The following TRMT13 variants were observed in gnomAD, a reference collection of about 807,000 sequenced individuals.
TRMT13 encodes the protein tRNA methyltransferase 13, also known as tRNA:m(4)X modification enzyme TRM13 homolog.
TRMT13 carries 45 observed loss-of-function variants against 55.9 expected under a neutral mutation model. That is an observed-to-expected ratio of 0.80 (90% CI 0.63 to 1.03). The LOEUF (loss-of-function observed/expected upper bound fraction) is 1.03, where lower values mean the gene tolerates loss of function less well. TRMT13 is among the 50% of genes least tolerant of loss of function. The probability of loss-of-function intolerance (pLI) is 0.00; values close to 1 mark genes in which losing one functional copy is unlikely to be tolerated. For synonymous variants in TRMT13, 183 were observed against 196.3 expected, an observed-to-expected ratio of 0.93 and a Z score of 0.57; for missense variants, 513 against 563.9, an observed-to-expected ratio of 0.91 and a Z score of 0.91.
intron 9 of TRMT13, among the ~76,000 whole-genome samples, chr1:100,146,540 C>T (rs942950947): frequency 6.6e-6 from 1 of 152,016 alleles, no homozygotes; most frequent in Admixed American, 6.5e-5. Context: ...GAGTCTCGCT[C>T]TGTCGCCCAG....
At chr1:100,135,137 A>T (rs189132029) in intron 1 of TRMT13, among the ~76,000 whole-genome samples, 3 of 152,300 alleles carry the variant, frequency 2.0e-5, no homozygotes, top group Admixed American at 2.0e-4. Flanking sequence ...TACAAATCAC[A>T]GGACAGCCCC....
In TRMT13 at chr1:100,148,025, G is replaced by GA. The variant is rs1657504287; in HGVS notation, c.956dup (p.Asn319LysfsTer23). 6.2e-7 allele frequency: 1 copy of GA among 1,614,016 alleles called. No homozygotes were observed. The highest frequency in any genetic ancestry group is 1.3e-5 in the African/African-American group (1 of 75,008). On this transcript the variant is annotated frameshift_variant, in exon 10 of 11. Coordinates refer to ENST00000370141, the MANE Select transcript of TRMT13 (RefSeq NM_019083.3). LOFTEE classifies it high-confidence loss of function. ...TTACACTTTGGCCAAGGAAGGAAAT[G>GA]AAAAAAATGTCCCAGAGAAGTGGAA...
chr1:100,141,170 TAACTC>T (rs1325328665), intron 7 of TRMT13, 151 bp downstream of exon 7: 9 of 656,780 alleles, frequency 1.4e-5, no homozygotes, highest in South Asian at 3.1e-5. Flanking sequence ...ATTGTATTGA[TAACTC>T]AAACTGAAGG....
At chr1:100,139,774 A>C in intron 4 of TRMT13, 63 bp downstream of exon 4, 1 of 1,023,484 alleles carries the variant, frequency 9.8e-7, no homozygotes, top group South Asian at 1.5e-5. Context: ...CATGATGTGA[A>C]TAAGGCATGT....
At chr1:100,145,636 C>T (rs1272295202) in intron 9 of TRMT13, among the ~76,000 whole-genome samples, 1 of 152,180 alleles carries the variant, frequency 6.6e-6, no homozygotes, top group African/African-American at 2.4e-5. Flanking sequence ...GGAAACCCAA[C>T]ACTGGAGGCT....
intron 1 of TRMT13, among the ~76,000 whole-genome samples, chr1:100,136,476 A>G (rs887563073): frequency 3.9e-5 from 6 of 152,318 alleles, no homozygotes; most frequent in African/African-American, 1.4e-4. Flanking sequence ...AAAAATCACA[A>G]TTACTTTTGT....
At chr1:100,135,289 T>C (rs1363668141) in intron 1 of TRMT13, among the ~76,000 whole-genome samples, 1 of 152,160 alleles carries the variant, frequency 6.6e-6, no homozygotes, top group Non-Finnish European at 1.5e-5. Context: ...GGGGTTAGAA[T>C]AGTCTTTTAC....
chr1:100,148,359 A>T, intron 10 of TRMT13, 33 bp downstream of exon 10: 2 of 1,573,768 alleles, frequency 1.3e-6, no homozygotes, highest in South Asian at 2.3e-5. Flanking sequence ...CATGATACTA[A>T]AGGAGAAATA....
Position 100,140,210 on chromosome 1 carries a change from A to G in TRMT13, c.353A>G (p.Gln118Arg), listed in dbSNP as rs1656419849. Residue 118 changes from glutamine to arginine, a missense_variant, in exon 5 of 11, where the codon CAG becomes CGG. Transcript: ENST00000370141. ...CCAATTTCTTCTCTATCTGAAGAGC[A>G]GTTGGAAAAGTTAATTAAGAAATTG... is the stretch of plus-strand genomic sequence containing the variant. ...LVPISSLSEE[Q>R]LEKLIKKLRK... The G allele has an allele frequency of 2.5e-6, 4 of 1,612,196 alleles. No homozygotes were observed. The highest frequency in any genetic ancestry group is 3.4e-6 in the Non-Finnish European group (4 of 1,179,164).
chr1:100,149,399 G>T lies in TRMT13; in HGVS notation c.*579G>T. On this transcript the variant is annotated 3_prime_UTR_variant, in exon 11 of 11. Transcript: ENST00000370141. The stretch of plus-strand genomic sequence containing the variant: ...TTCCAGAGCCATACATGTATATATT[G>T]TCAGAATCTGTCCATGACAAACACA... 1.9e-6 allele frequency: 3 copies of T among 1,545,428 alleles called. No homozygotes were observed. The highest frequency in any genetic ancestry group is 2.6e-6 in the Non-Finnish European group (3 of 1,145,206).
In TRMT13 at chr1:100,139,781, A is replaced by G. The variant is rs1290267568; in HGVS notation, c.324+70A>G. On this transcript the variant is annotated intron_variant, in intron 4 of 10. Transcript: ENST00000370141. ...GCTCTCTTCATGATGTGAATAAGGC[A>G]TGTTCTAATTTTTGTCTCAAGTCTG... 6.1e-6 allele frequency: 6 copies of G among 985,556 alleles called. No homozygotes were observed. The African/African-American group carries it at 6.6e-5, about 11-fold the overall frequency. 61.1% of individuals were successfully genotyped at this position (985,556 alleles called of 1,614,324 possible). A position where few individuals can be genotyped will look rare whatever the true frequency, so the allele number is the denominator to read the frequency against.
At chr1:100,147,161 G>A (rs543489770) in intron 9 of TRMT13, among the ~76,000 whole-genome samples, 30 of 152,212 alleles carry the variant, frequency 2.0e-4, no homozygotes, top group African/African-American at 7.0e-4. Flanking sequence ...AGGAGTTTTC[G>A]ATGGGAAATA....
At chr1:100,141,759 T>C (rs562814809) in intron 7 of TRMT13, among the ~76,000 whole-genome samples, 13 of 152,216 alleles carry the variant, frequency 8.5e-5, no homozygotes, top group South Asian at 2.1e-4. Flanking sequence ...ACAAGTTCTA[T>C]TGCAGGGAAG....
intron 1 of TRMT13, among the ~76,000 whole-genome samples, chr1:100,136,084 G>T (rs914443614): frequency 6.6e-6 from 1 of 152,090 alleles, no homozygotes; most frequent in African/African-American, 2.4e-5. Flanking sequence ...ACTGTATGAT[G>T]TTCTCCCAAT....
chr1:100,149,088 A>G lies in TRMT13; in HGVS notation c.*268A>G, dbSNP rs759319126. The stretch of plus-strand genomic sequence containing the variant: ...GATTGGTAAAGTAGTTGAACCGTTG[A>G]CTTGGTGATCTGAAACATACATAAC... On this transcript the variant is annotated 3_prime_UTR_variant, in exon 11 of 11. Coordinates refer to ENST00000370141, the MANE Select transcript of TRMT13 (RefSeq NM_019083.3). The G allele has an allele frequency of 2.5e-6, 4 of 1,601,990 alleles. No individual in the cohort carries two copies. The South Asian group carries it at 3.4e-5, about 14-fold the overall frequency.
At chr1:100,137,843 A>G (rs897171899) in intron 3 of TRMT13, among the ~76,000 whole-genome samples, 2 of 152,226 alleles carry the variant, frequency 1.3e-5, no homozygotes, top group African/African-American at 2.4e-5. Flanking sequence ...AAGTTTAGAA[A>G]GTATTTTTAC....
chr1:100,139,594 A>C, intron 3 of TRMT13, 55 bp from the exon 4 acceptor site: 1 of 1,112,708 alleles, frequency 9.0e-7, no homozygotes, highest in Non-Finnish European at 1.3e-6. Context: ...TTTTAGTTTA[A>C]TTTTTGTGAG....
chr1:100,146,929 C>G (rs1027959178), intron 9 of TRMT13, among the ~76,000 whole-genome samples: 9 of 152,136 alleles, frequency 5.9e-5, no homozygotes, highest in African/African-American at 2.2e-4. Flanking sequence ...CTATCACTTT[C>G]TGCAAATAAT....
At position 100,150,025 on chromosome 1, in the gene TRMT13, G is replaced by A. The variant is rs1657813674; in HGVS notation, c.*1205G>A. On this transcript the variant is annotated 3_prime_UTR_variant, in exon 11 of 11. Transcript: ENST00000370141. The stretch of plus-strand genomic sequence containing the variant: ...TCAAATTCCAAACCTACCATCTTCA[G>A]TTGTGCGACCTTGGGCATGCTACCT... 6.6e-6 allele frequency: 1 copy of A among 152,182 alleles called. No homozygotes were observed. Among genetic ancestry groups the A allele is most frequent in the Non-Finnish European group, 1.5e-5 (1 of 68,134 alleles). The allele number at this position is 152,182 out of a possible 1,614,324, so 9.4% of individuals were successfully genotyped here. A position where few individuals can be genotyped will look rare whatever the true frequency, so the allele number is the denominator to read the frequency against.
Sources: gnomAD v4.1 joint callset for allele counts (sites outside exome capture counted in the v4.1 genomes callset) on GRCh38, gnomAD v4.1.1 for gene constraint, MANE v1.5 for transcripts, NCBI Gene and HGNC (gene_info 2026-07-23, HGNC 2026-07-21) for gene names.